The following PCDHA4 variants were observed in gnomAD, a reference collection of about 807,000 sequenced individuals.
PCDHA4 encodes protocadherin alpha-4.
PCDHA4 carries 49 observed loss-of-function variants against 61.4 expected under a neutral mutation model. That is an observed-to-expected ratio of 0.80 (90% CI 0.63 to 1.01). The LOEUF is 1.01. Ranked by LOEUF, PCDHA4 falls within the 50% of genes least tolerant of loss-of-function variation. PCDHA4 has a pLI of 0.00. For missense variants in PCDHA4, 1,254 were observed against 1,235.8 expected (o/e 1.01, Z -0.22); for synonymous variants, 590 against 550.3 (o/e 1.07, Z -1.01).
rs2150134269 is a variant in PCDHA4, at chr5:140,824,393, A to T, written c.2385+14821A>T. On this transcript the variant is annotated intron_variant, in intron 1 of 3. Transcript: ENST00000530339. ...AATTTTGCATCTCTAAAAATGTAGG[A>T]TAATAATTGTAAGACATAGTTTGGA... 1.3e-5 allele frequency: 7 copies of T among 552,594 alleles called. No homozygotes were observed. The East Asian group carries it at 2.1e-4, about 17-fold the overall frequency. The allele number at this position is 552,594 out of a possible 1,614,324, so 34.2% of individuals were successfully genotyped here. A position where few individuals can be genotyped will look rare whatever the true frequency, so the allele number is the denominator to read the frequency against.
intron 1 of PCDHA4, chr5:140,821,403 A>G (rs1766966942): frequency 5.9e-6 from 1 of 170,864 alleles, no homozygotes; most frequent in Non-Finnish European, 1.3e-5. Flanking sequence ...GACGCATTTT[A>G]AGATAGAGTT....
At chr5:140,971,630 C>A (rs1281130153) in intron 1 of PCDHA4, among the ~76,000 whole-genome samples, 1 of 151,972 alleles carries the variant, frequency 6.6e-6, no homozygotes, top group Non-Finnish European at 1.5e-5. Context: ...ACAATTAGTA[C>A]CATGTGCCTA....
chr5:140,966,410 A>G lies in PCDHA4; in HGVS notation c.2386-12539A>G, dbSNP rs530944149. The G allele has an allele frequency of 1.9e-3, 807 of 419,248 alleles. 2 individuals carry two copies. Among genetic ancestry groups the G allele is most frequent in the South Asian group, 7.3e-3 (70 of 9,536 alleles). The allele number at this position is 419,248 out of a possible 1,614,324, so 26.0% of individuals were successfully genotyped here. The stretch of plus-strand genomic sequence containing the variant: ...GTCCGCCACTTCGGCGCGGAATCAG[A>G]GCAGGACTTGCTGAGCCCTCCTACC... On this transcript the variant is annotated intron_variant, in intron 1 of 3. Coordinates refer to ENST00000530339, the MANE Select transcript of PCDHA4 (RefSeq NM_018907.4).
rs912184171 is a variant in PCDHA4 at position 140,852,142 on chromosome 5, T to G, written c.2385+42570T>G. 6 of 876,650 alleles carry G rather than the reference T, an allele frequency of 6.8e-6. No individual in the cohort carries two copies. In the African/African-American group the frequency reaches 1.1e-4, roughly 16 times the overall value. The allele number at this position is 876,650 out of a possible 1,614,324, so 54.3% of individuals were successfully genotyped here. ...TAATTAAAAACTCAGTAGAGAAAGA[T>G]CAGAATGGCCTTGAGAATAGAGCCA... On this transcript the variant is annotated intron_variant, in intron 1 of 3. Transcript: ENST00000530339.
chr5:140,856,947 A>T (rs1486886568), intron 1 of PCDHA4: 1 of 1,592,258 alleles, frequency 6.3e-7, no homozygotes. Flanking sequence ...AGGACGGGAG[A>T]AATAAAAGTA....
chr5:140,954,599 C>T (rs1554221480), intron 1 of PCDHA4, among the ~76,000 whole-genome samples: 1 of 152,042 alleles, frequency 6.6e-6, no homozygotes, highest in East Asian at 1.9e-4. Flanking sequence ...ATGTTCTTTG[C>T]CCACTTTTTA....
chr5:140,838,077 A>AGT (rs2150283763), intron 1 of PCDHA4, among the ~76,000 whole-genome samples: 1,310 of 80,648 alleles, frequency 0.016, 14 homozygotes, highest in South Asian at 0.044. Context: ...ATATATATAT[A>AGT]GTGTGTGTGT....
intron 1 of PCDHA4, chr5:140,927,477 G>A: frequency 6.2e-7 from 1 of 1,614,118 alleles, no homozygotes; most frequent in Non-Finnish European, 8.5e-7. Flanking sequence ...ATCGCGAACA[G>A]CGCGCCACCC....
intron 3 of PCDHA4, among the ~76,000 whole-genome samples, 189 bp from the exon 4 acceptor site, chr5:141,009,438 T>C (rs1024999058): frequency 6.6e-6 from 1 of 152,190 alleles, no homozygotes; most frequent in African/African-American, 2.4e-5. Context: ...AGGGAAATCC[T>C]GTCTCAAAAA....
At chr5:140,918,584 A>G (rs1296882763) in intron 1 of PCDHA4, among the ~76,000 whole-genome samples, 1 of 152,212 alleles carries the variant, frequency 6.6e-6, no homozygotes, top group Non-Finnish European at 1.5e-5. Context: ...TATTGGCTAT[A>G]TGTTCTATAG....
At chr5:140,834,190 C>T in intron 1 of PCDHA4, 2 of 580,584 alleles carry the variant, frequency 3.4e-6, no homozygotes, top group South Asian at 2.5e-5. Context: ...CATGATGTCG[C>T]TCTTTACCGC....
chr5:140,850,782 G>A (rs1485656675), intron 1 of PCDHA4: 2 of 1,598,136 alleles, frequency 1.3e-6, no homozygotes, highest in African/African-American at 1.3e-5. Flanking sequence ...CTCTGGCGAG[G>A]GTAAGCAGAA....
intron 3 of PCDHA4, among the ~76,000 whole-genome samples, chr5:140,985,402 C>T (rs1554247027): frequency 6.6e-6 from 1 of 152,118 alleles, no homozygotes; most frequent in African/African-American, 2.4e-5. Context: ...CAACTGTTCC[C>T]CTGGAAATGG....
chr5:140,851,143 A>T, intron 1 of PCDHA4: 1 of 1,310,128 alleles, frequency 7.6e-7, no homozygotes, highest in Non-Finnish European at 9.9e-7. Flanking sequence ...TTAAAGTGAC[A>T]TTGAATTTCT....
At chr5:140,926,879 C>T (rs1554203752) in intron 1 of PCDHA4, 1 of 1,534,362 alleles carries the variant, frequency 6.5e-7, no homozygotes, top group African/African-American at 1.4e-5. Context: ...GGAACGTGGA[C>T]GCCTAGAGGG....
chr5:140,941,647 C>T (rs1435033243), intron 1 of PCDHA4, among the ~76,000 whole-genome samples: 2 of 152,002 alleles, frequency 1.3e-5, no homozygotes, highest in South Asian at 2.1e-4. Flanking sequence ...CTTCCTACAA[C>T]TTATGTCCAA....
At chr5:140,863,314 T>A in intron 1 of PCDHA4, 1 of 1,458,118 alleles carries the variant, frequency 6.9e-7, no homozygotes, top group Non-Finnish European at 9.3e-7. Context: ...CTGCGTGGTG[T>A]CCAGCCTGTT....
chr5:140,981,138 G>A (rs1554242668), intron 2 of PCDHA4, among the ~76,000 whole-genome samples: 11 of 152,206 alleles, frequency 7.2e-5, no homozygotes. Flanking sequence ...GTCAAAGAGT[G>A]AGAAAACATT....
At chr5:140,837,629 C>CT (rs2150277750) in intron 1 of PCDHA4, among the ~76,000 whole-genome samples, 8 of 148,948 alleles carry the variant, frequency 5.4e-5, no homozygotes, top group Admixed American at 1.3e-4. Flanking sequence ...TCCTTCCTTC[C>CT]TTCCTTTCTT....
Sources: allele counts gnomAD v4.1 joint callset (sites outside exome capture counted in the v4.1 genomes callset), GRCh38; gene constraint gnomAD v4.1.1; transcripts MANE v1.5; gene names NCBI Gene and HGNC (gene_info 2026-07-23, HGNC 2026-07-21).